The following PLEKHA8 variants were observed in gnomAD, a reference collection of about 807,000 sequenced individuals.
The protein encoded by PLEKHA8 is pleckstrin homology domain containing A8.
A neutral mutation model predicts 68.2 loss-of-function variants in PLEKHA8; 36 were observed. That is an observed-to-expected ratio of 0.53 (90% CI 0.40 to 0.70). The LOEUF is 0.70. PLEKHA8 is among the 30% of genes least tolerant of loss of function. PLEKHA8 has a pLI of 0.00. For missense variants in PLEKHA8, 505 were observed against 615.4 expected (o/e 0.82, Z 1.90); for synonymous variants, 211 against 216.1 (o/e 0.98, Z 0.20).
At chr7:30,123,094 G>C (rs1176811750) in intron 13 of PLEKHA8, among the ~76,000 whole-genome samples, 1 of 152,038 alleles carries the variant, frequency 6.6e-6, no homozygotes, top group East Asian at 1.9e-4. Context: ...AAGACAACTA[G>C]AACCCACCTC....
intron 1 of PLEKHA8, among the ~76,000 whole-genome samples, chr7:30,040,112 G>A (rs546999304): frequency 2.0e-5 from 3 of 152,288 alleles, no homozygotes; most frequent in South Asian, 2.1e-4. Context: ...CTTTTTGTAC[G>A]TTTAGTGAGA....
intron 4 of PLEKHA8, 181 bp from the exon 5 acceptor site, chr7:30,049,043 A>G: frequency 1.4e-6 from 1 of 707,000 alleles, no homozygotes; most frequent in Admixed American, 2.8e-5. Context: ...GTGAAAGTCA[A>G]ATAGTGCTGA....
At chr7:30,126,470 TTG>T (rs1387296795) in intron 13 of PLEKHA8, among the ~76,000 whole-genome samples, 1 of 152,246 alleles carries the variant, frequency 6.6e-6, no homozygotes, top group East Asian at 1.9e-4. Flanking sequence ...GGAAATTTTA[TTG>T]TGTTTTTTAA....
intron 13 of PLEKHA8, among the ~76,000 whole-genome samples, chr7:30,127,392 AT>A (rs918169747): frequency 1.3e-5 from 2 of 152,194 alleles, no homozygotes; most frequent in African/African-American, 2.4e-5. Flanking sequence ...TATGGGTGAT[AT>A]TTTTTGGTAA....
chr7:30,120,170 C>A (rs73078001), intron 13 of PLEKHA8, among the ~76,000 whole-genome samples: 211 of 130,598 alleles, frequency 1.6e-3, no homozygotes, highest in African/African-American at 2.4e-3. Flanking sequence ...AAAAAAAAAA[C>A]AAAAAAAAAA....
At chr7:30,095,595 G>A (rs1026496203), downstream of PLEKHA8, among the ~76,000 whole-genome samples, 1 of 152,178 alleles carries the variant, frequency 6.6e-6, no homozygotes, top group Admixed American at 6.5e-5. Flanking sequence ...ATGAAGTCAT[G>A]GCCCATGCCT....
chr7:30,048,835 T>C (rs770401900), intron 4 of PLEKHA8, among the ~76,000 whole-genome samples: 1 of 149,952 alleles, frequency 6.7e-6, no homozygotes, highest in Non-Finnish European at 1.5e-5. Flanking sequence ...TGAGATAGAC[T>C]GTGAGGGGAG....
intron 2 of PLEKHA8, 150 bp from the exon 3 acceptor site, chr7:30,046,060 T>A (rs1453076733): frequency 1.6e-6 from 1 of 644,578 alleles, no homozygotes; most frequent in East Asian, 3.0e-5. Flanking sequence ...AACAGAACTT[T>A]GTGTGAATTA....
chr7:30,059,116 G>A (rs1793229390), intron 9 of PLEKHA8, among the ~76,000 whole-genome samples: 1 of 152,194 alleles, frequency 6.6e-6, no homozygotes, highest in Non-Finnish European at 1.5e-5. Flanking sequence ...GCAAGACCCT[G>A]TCTCAAAAAC....
intron 9 of PLEKHA8, among the ~76,000 whole-genome samples, chr7:30,060,176 T>C (rs1190905993): frequency 1.3e-5 from 2 of 151,974 alleles, no homozygotes; most frequent in African/African-American, 4.8e-5. Flanking sequence ...GCATGGTGGC[T>C]CACGCCTGTA....
At chr7:30,064,991 A>G (rs1036386624) in intron 12 of PLEKHA8, among the ~76,000 whole-genome samples, 3 of 152,160 alleles carry the variant, frequency 2.0e-5, no homozygotes, top group African/African-American at 4.8e-5. Flanking sequence ...AGACATAGAA[A>G]GGAAACAGGA....
chr7:30,055,669 A>T (rs1262108328), intron 9 of PLEKHA8, among the ~76,000 whole-genome samples: 2 of 147,898 alleles, frequency 1.4e-5, no homozygotes, highest in Non-Finnish European at 3.0e-5. Context: ...GTGTTTTACC[A>T]GTTAAAACTT....
In PLEKHA8 at chr7:30,082,614, A is replaced by G; in HGVS notation, c.*3827A>G. 1.0e-6 allele frequency: 1 copy of G among 985,148 alleles called. No homozygotes were observed. The highest frequency in any genetic ancestry group is 1.2e-6 in the Non-Finnish European group (1 of 829,640). The allele number at this position is 985,148 out of a possible 1,614,324, so 61.0% of individuals were successfully genotyped here. A position where few individuals can be genotyped will look rare whatever the true frequency, so the allele number is the denominator to read the frequency against. On this transcript the variant is annotated 3_prime_UTR_variant, in exon 14 of 14. Coordinates refer to ENST00000449726, the MANE Select transcript of PLEKHA8 (RefSeq NM_001197026.2). ...GTTATTACTTTCCAAATATATTAAC[A>G]AAAAGTTGATGCTTTTAACTTTATA... is the stretch of plus-strand genomic sequence containing the variant.
downstream of PLEKHA8, among the ~76,000 whole-genome samples, chr7:30,086,247 C>T (rs556363202): frequency 6.6e-6 from 1 of 152,310 alleles, no homozygotes; most frequent in Admixed American, 6.5e-5. Context: ...ATGGGCTCTG[C>T]TTATTCTAAG....
chr7:30,049,544 CCAGT>C (rs1391621576), intron 5 of PLEKHA8, 162 bp downstream of exon 5: 2 of 860,224 alleles, frequency 2.3e-6, no homozygotes, highest in African/African-American at 3.4e-5. Flanking sequence ...CACCCCATAT[CCAGT>C]CAGTTATTTG....
intron 13 of PLEKHA8, among the ~76,000 whole-genome samples, chr7:30,104,288 T>C (rs551152694): frequency 3.3e-5 from 5 of 152,346 alleles, no homozygotes; most frequent in African/African-American, 1.2e-4. Flanking sequence ...TAATTTCTTT[T>C]AAACTCCATG....
chr7:30,091,488 G>C (rs6963430), downstream of PLEKHA8, among the ~76,000 whole-genome samples: 1 of 149,056 alleles, frequency 6.7e-6, no homozygotes, highest in Non-Finnish European at 1.5e-5. Context: ...TTTTTTTTTC[G>C]CTGCTAATTT....
chr7:30,109,377 A>G (rs538796583), intron 13 of PLEKHA8, among the ~76,000 whole-genome samples: 25 of 152,184 alleles, frequency 1.6e-4, no homozygotes, highest in Non-Finnish European at 3.2e-4. Context: ...GGATGAGGTC[A>G]GGAGTTCGCG....
At chr7:30,091,542 C>T (rs779864371), downstream of PLEKHA8, among the ~76,000 whole-genome samples, 4 of 152,076 alleles carry the variant, frequency 2.6e-5, no homozygotes, top group Non-Finnish European at 5.9e-5. Context: ...AGCTATTGCT[C>T]ATCCAAACAT....
Sources: allele counts gnomAD v4.1 joint callset (sites outside exome capture counted in the v4.1 genomes callset), GRCh38; gene constraint gnomAD v4.1.1; transcripts MANE v1.5; gene names NCBI Gene and HGNC (gene_info 2026-07-23, HGNC 2026-07-21).